The following PTPRD variants were observed in gnomAD, a reference collection of about 807,000 sequenced individuals.
The protein encoded by PTPRD is receptor-type tyrosine-protein phosphatase delta.
PTPRD carries 34 observed loss-of-function variants against 214.5 expected under a neutral mutation model. The observed-to-expected ratio is 0.16, with a 90% CI of 0.12 to 0.21. The LOEUF (loss-of-function observed/expected upper bound fraction) is 0.21. Among genes scored for constraint, PTPRD ranks in the 10% least tolerant of loss-of-function variants. The pLI is 1.00. For missense variants in PTPRD, 2,545 were observed against 2,398.7 expected (o/e 1.06, Z -1.27); for synonymous variants, 1,128 against 845.7 (o/e 1.33, Z -5.79).
chr9:9,798,188 AT>A (rs2153497076), intron 5 of PTPRD, among the ~76,000 whole-genome samples: 1 of 152,098 alleles, frequency 6.6e-6, no homozygotes, highest in South Asian at 2.1e-4. Context: ...CTTCGATAAC[AT>A]TGTAGGGGAG....
At chr9:9,578,756 C>T (rs1340762310) in intron 7 of PTPRD, among the ~76,000 whole-genome samples, 1 of 151,868 alleles carries the variant, frequency 6.6e-6, no homozygotes, top group Non-Finnish European at 1.5e-5. Context: ...AGACTGAAAG[C>T]CAACAATTGC....
intron 10 of PTPRD, among the ~76,000 whole-genome samples, chr9:9,039,014 C>A (rs552414682): frequency 6.6e-6 from 1 of 152,094 alleles, no homozygotes; most frequent in Non-Finnish European, 1.5e-5. Context: ...CCCCTATCTC[C>A]CACAAAATAT....
chr9:8,704,252 C>T (rs148465529), intron 12 of PTPRD, among the ~76,000 whole-genome samples: 25 of 152,192 alleles, frequency 1.6e-4, no homozygotes, highest in Admixed American at 3.9e-4. Context: ...CCTCCCACTC[C>T]ATCCTCTGCA....
At chr9:10,445,558 C>T (rs2098792882) in intron 2 of PTPRD, among the ~76,000 whole-genome samples, 1 of 151,944 alleles carries the variant, frequency 6.6e-6, no homozygotes, top group African/African-American at 2.4e-5. Flanking sequence ...ACTTAGTAAC[C>T]AGTTACAAAT....
intron 9 of PTPRD, among the ~76,000 whole-genome samples, chr9:9,383,483 C>A (rs900462820): frequency 6.6e-6 from 1 of 152,062 alleles, no homozygotes; most frequent in African/African-American, 2.4e-5. Context: ...CAGAAAATAT[C>A]ACCAACTTGC....
intron 3 of PTPRD, among the ~76,000 whole-genome samples, chr9:10,299,980 T>C (rs544760998): frequency 6.6e-6 from 1 of 152,254 alleles, no homozygotes; most frequent in South Asian, 2.1e-4. Flanking sequence ...TTTTATAATA[T>C]ATCTCTGAAA....
chr9:9,616,747 A>G (rs2094892994), intron 7 of PTPRD, among the ~76,000 whole-genome samples: 2 of 152,190 alleles, frequency 1.3e-5, no homozygotes, highest in Non-Finnish European at 2.9e-5. Context: ...GCATATGATC[A>G]GGAAATAACC....
At chr9:8,584,028 C>T (rs2093422359) in intron 14 of PTPRD, among the ~76,000 whole-genome samples, 1 of 152,088 alleles carries the variant, frequency 6.6e-6, no homozygotes, top group Non-Finnish European at 1.5e-5. Flanking sequence ...GTGGTGTGTA[C>T]TTGTAGTCTC....
intron 3 of PTPRD, among the ~76,000 whole-genome samples, chr9:10,209,343 C>T (rs934613951): frequency 6.6e-6 from 1 of 152,122 alleles, no homozygotes; most frequent in Non-Finnish European, 1.5e-5. Context: ...ATTTAAATGG[C>T]TTCTTATAAG....
chr9:9,247,001 A>C (rs2099973358), intron 9 of PTPRD, among the ~76,000 whole-genome samples: 1 of 151,650 alleles, frequency 6.6e-6, no homozygotes. Flanking sequence ...ATTTTCCCCG[A>C]GTGACTCATA....
intron 12 of PTPRD, among the ~76,000 whole-genome samples, chr9:8,728,181 C>T (rs544250763): frequency 9.2e-5 from 14 of 152,060 alleles, no homozygotes; most frequent in Non-Finnish European, 1.6e-4. Context: ...ACCGAGGAGG[C>T]GGAGGTTGCG....
chr9:9,325,900 G>A (rs571134470), intron 9 of PTPRD, among the ~76,000 whole-genome samples: 16 of 152,294 alleles, frequency 1.1e-4, no homozygotes, highest in African/African-American at 3.6e-4. Context: ...TTTTTAGCAT[G>A]AAGGGCTGTT....
chr9:9,969,900 C>T (rs2094969654), intron 4 of PTPRD, among the ~76,000 whole-genome samples: 1 of 152,144 alleles, frequency 6.6e-6, no homozygotes, highest in African/African-American at 2.4e-5. Flanking sequence ...TTTCTCCTGG[C>T]CTCTGGCATT....
At chr9:10,363,991 G>GTTTTTTTGTT (rs1485501417) in intron 2 of PTPRD, among the ~76,000 whole-genome samples, 5,160 of 35,000 alleles carry the variant, frequency 0.15, 1,062 homozygotes, top group East Asian at 0.44. Flanking sequence ...ACATTTTCGG[G>GTTTTTTTGTT]TTTTTTTTTT....
intron 2 of PTPRD, among the ~76,000 whole-genome samples, chr9:10,507,041 G>C (rs1303686630): frequency 6.6e-6 from 1 of 152,004 alleles, no homozygotes; most frequent in Non-Finnish European, 1.5e-5. Flanking sequence ...AATGTTTCCT[G>C]TTTTTGCCCA....
chr9:9,553,348 T>C (rs1317661353), intron 8 of PTPRD, among the ~76,000 whole-genome samples: 1 of 152,068 alleles, frequency 6.6e-6, no homozygotes, highest in Admixed American at 6.6e-5. Flanking sequence ...TGCCAACACT[T>C]ACTAAGCAGC....
At chr9:9,975,718 G>A (rs2095327382) in intron 4 of PTPRD, among the ~76,000 whole-genome samples, 1 of 152,174 alleles carries the variant, frequency 6.6e-6, no homozygotes, top group African/African-American at 2.4e-5. Flanking sequence ...GGCTCCTGGA[G>A]GAGGCAATAG....
chr9:8,982,431 A>C (rs1490851274), intron 11 of PTPRD, among the ~76,000 whole-genome samples: 2 of 151,896 alleles, frequency 1.3e-5, no homozygotes, highest in African/African-American at 2.4e-5. Flanking sequence ...TCTTAAGCGA[A>C]TGCTTCCCCA....
At chr9:10,534,171 G>T (rs1010099740) in intron 2 of PTPRD, among the ~76,000 whole-genome samples, 21 of 151,856 alleles carry the variant, frequency 1.4e-4, no homozygotes, top group African/African-American at 5.1e-4. Context: ...AGTGTAATGT[G>T]ATTCAAAGAT....
Sources: allele counts gnomAD v4.1 joint callset (sites outside exome capture counted in the v4.1 genomes callset), GRCh38; gene constraint gnomAD v4.1.1; transcripts MANE v1.5; gene names NCBI Gene and HGNC (gene_info 2026-07-23, HGNC 2026-07-21).